Variants in SEZ6L2 observed in about 807,000 individuals in gnomAD.
The protein encoded by SEZ6L2 is seizure 6-like protein 2.
SEZ6L2 carries 44 observed loss-of-function variants against 97.0 expected under a neutral mutation model. That is an observed-to-expected ratio of 0.45 (90% CI 0.36 to 0.58). The LOEUF (loss-of-function observed/expected upper bound fraction) is 0.58. Among genes scored for constraint, SEZ6L2 ranks in the 20% least tolerant of loss-of-function variants. The pLI is 0.00. For synonymous variants in SEZ6L2, 543 were observed against 546.1 expected, an observed-to-expected ratio of 0.99 and a Z score of 0.08; for missense variants, 1,086 against 1,233.3, an observed-to-expected ratio of 0.88 and a Z score of 1.79.
At chr16:29,885,782 A>G (rs1402394734) in intron 7 of SEZ6L2, 33 bp from the exon 8 acceptor site, 1 of 1,581,404 alleles carries the variant, frequency 6.3e-7, no homozygotes, top group Non-Finnish European at 8.6e-7. Flanking sequence ...CAGGAGCTCA[A>G]TCTCCCTCAC....
chr16:29,873,517 C>T lies in SEZ6L2; in HGVS notation c.2296+21G>A, dbSNP rs920062898. On this transcript the variant is annotated intron_variant, in intron 13 of 17. Transcript: ENST00000617533. The surrounding 1 kb of genome is among the most constrained non-coding windows in gnomAD (Gnocchi z 4.3). ...TCCCAGGGCTACCCAGCCACCCTCC[C>T]AGGGTGTGCCCCAGACTCACAGGCG... 3.1e-6 allele frequency: 5 copies of T among 1,613,954 alleles called. No individual in the cohort carries two copies. In the Admixed American group the frequency reaches 6.7e-5, roughly 22 times the overall value.
chr16:29,893,994 C>A (rs1276828996), intron 5 of SEZ6L2, among the ~76,000 whole-genome samples: 2 of 152,174 alleles, frequency 1.3e-5, no homozygotes, highest in African/African-American at 4.8e-5. Context: ...CCTCAGCCTC[C>A]CAAGTAACTG....
Position 29,876,695 on chromosome 16 carries a change from C to A in SEZ6L2, c.2104+61G>T, listed in dbSNP as rs1450154456. 83 of 1,448,434 alleles carry A rather than the reference C, an allele frequency of 5.7e-5. No homozygotes were observed. Among genetic ancestry groups the A allele is most frequent in the Middle Eastern group, 4.6e-4 (2 of 4,372 alleles). The allele number at this position is 1,448,434 out of a possible 1,614,324, so 89.7% of individuals were successfully genotyped here. On this transcript the variant is annotated intron_variant, in intron 12 of 17. Transcript: ENST00000617533. The surrounding 1 kb of genome is among the most constrained non-coding windows in gnomAD (Gnocchi z 6.5). ...AGCACGGGGGTCGGGACAGGACAGG[C>A]CGACGACGGGGCCCACAGGGAAGGG...
chr16:29,886,732 C>T (rs1409655901), intron 7 of SEZ6L2, among the ~76,000 whole-genome samples: 1 of 151,502 alleles, frequency 6.6e-6, no homozygotes, highest in Non-Finnish European at 1.5e-5. Context: ...CTTATTGTCC[C>T]AGGTGCCATT....
chr16:29,877,177 C>T (rs1200051269), intron 11 of SEZ6L2, 94 bp downstream of exon 11: 4 of 1,360,376 alleles, frequency 2.9e-6, no homozygotes, highest in Non-Finnish European at 3.0e-6. Flanking sequence ...CCCAAGGCCC[C>T]GGGATAACAG....
intron 5 of SEZ6L2, among the ~76,000 whole-genome samples, chr16:29,894,126 C>T (rs1434890085): frequency 6.6e-6 from 1 of 152,210 alleles, no homozygotes; most frequent in Non-Finnish European, 1.5e-5. Context: ...CAGCCTTGGC[C>T]TCCCAAAGTG....
At chr16:29,877,896 T>G (rs778662874) in intron 10 of SEZ6L2, among the ~76,000 whole-genome samples, 3 of 152,158 alleles carry the variant, frequency 2.0e-5, no homozygotes, top group Non-Finnish European at 4.4e-5. Flanking sequence ...CATGACACTC[T>G]CATACCAATT....
At chr16:29,875,237 C>T (rs990717559) in intron 12 of SEZ6L2, among the ~76,000 whole-genome samples, 1 of 152,184 alleles carries the variant, frequency 6.6e-6, no homozygotes, top group Non-Finnish European at 1.5e-5. Flanking sequence ...TCCCTTGGAG[C>T]CCAGGGCTCA....
chr16:29,878,596 A>AT (rs1347651480), intron 9 of SEZ6L2, among the ~76,000 whole-genome samples, 171 bp from the exon 10 acceptor site: 3 of 150,844 alleles, frequency 2.0e-5, no homozygotes, highest in African/African-American at 4.9e-5. Context: ...TTATTTTTAA[A>AT]TTTTTTTTGA....
At chr16:29,884,113 T>C (rs2068082156) in intron 8 of SEZ6L2, among the ~76,000 whole-genome samples, 1 of 152,084 alleles carries the variant, frequency 6.6e-6, no homozygotes, top group African/African-American at 2.4e-5. Flanking sequence ...CTAGGTTAAG[T>C]TGGAGCCCAC....
chr16:29,882,779 G>A (rs1016975113), intron 8 of SEZ6L2, among the ~76,000 whole-genome samples: 4 of 151,880 alleles, frequency 2.6e-5, no homozygotes, highest in Non-Finnish European at 4.4e-5. Context: ...TTGTTTTGTA[G>A]AGACAAAGGT....
chr16:29,871,534 A>G lies in SEZ6L2; in HGVS notation c.*165T>C. 2.8e-6 allele frequency: 2 copies of G among 718,426 alleles called. No homozygotes were observed. The highest frequency in any genetic ancestry group is 2.5e-6 in the Non-Finnish European group (1 of 403,142). The allele number at this position is 718,426 out of a possible 1,614,324, so 44.5% of individuals were successfully genotyped here. On this transcript the variant is annotated 3_prime_UTR_variant, in exon 18 of 18. Transcript: ENST00000617533. ...TGGGCGGCAGGATGCTGGTTTATTT[A>G]CTGTAGGATCTCCAGGGCCATCAAA...
chr16:29,896,897 G>A lies in SEZ6L2; in HGVS notation c.436C>T (p.Pro146Ser). ...GTCGTCTCCTCCTCTCCTCCCTCAG[G>A]CCCAAGGGGAGGCCCTGGGGAGGCA... Reference protein sequence around the residue: ...SPASPGPPLGPEGGEEETTTT... With the variant: ...SPASPGPPLGSEGGEEETTTT... Residue 146 changes from proline to serine, a missense_variant, in exon 3 of 18, where the codon CCT (proline) becomes TCT (serine). Around this residue, in one of 2 missense-constraint regions of SEZ6L2, gnomAD observed 776 missense variants for 794.7 expected, o/e 0.98. Coordinates refer to ENST00000617533, the MANE Select transcript of SEZ6L2 (RefSeq NM_001243332.2). 1 of 1,612,590 alleles carries A rather than the reference G, an allele frequency of 6.2e-7. No individual in the cohort carries two copies. Among genetic ancestry groups the A allele is most frequent in the Non-Finnish European group, 8.5e-7 (1 of 1,178,742 alleles).
intron 15 of SEZ6L2, 84 bp downstream of exon 15, chr16:29,872,621 C>T (rs1214858062): frequency 8.1e-6 from 13 of 1,599,688 alleles, no homozygotes; most frequent in Non-Finnish European, 1.1e-5. Context: ...GGCTTCATCC[C>T]TCCAAGGCCT....
At chr16:29,877,496 C>A in intron 10 of SEZ6L2, 29 bp from the exon 11 acceptor site, 1 of 1,549,892 alleles carries the variant, frequency 6.5e-7, no homozygotes, top group Admixed American at 1.9e-5. Flanking sequence ...GGCAATGGGG[C>A]GGGGCTGCGA....
rs972546529 is a variant in SEZ6L2 at position 29,899,252 on chromosome 16, G to A, written c.-233C>T. ...GCTCAGTCTCCTCTGTCCTCTTCTC[G>A]CGGCTCTGTGGTGGAGGGGGCGCGG... On this transcript the variant is annotated 5_prime_UTR_variant, in exon 1 of 18. Transcript: ENST00000617533. The A allele has an allele frequency of 5.0e-5, 25 of 501,322 alleles. No individual in the cohort carries two copies. Among genetic ancestry groups the A allele is most frequent in the Non-Finnish European group, 7.3e-5 (21 of 285,828 alleles). 31.1% of individuals were successfully genotyped at this position (501,322 alleles called of 1,614,324 possible).
chr16:29,881,072 G>A (rs533942265), intron 8 of SEZ6L2, among the ~76,000 whole-genome samples: 3 of 151,862 alleles, frequency 2.0e-5, no homozygotes, highest in Non-Finnish European at 4.4e-5. Flanking sequence ...TTGCCCTGGC[G>A]TTGGTGGGTT....
rs2068108098 is a variant in SEZ6L2, at chr16:29,885,115, G to A, written c.1372+471C>T. 2.0e-5 allele frequency among the ~76,000 whole-genome samples: 3 copies of A among 152,320 alleles called. No homozygotes were observed. The East Asian group carries it at 5.8e-4, about 29-fold the overall frequency. On this transcript the variant is annotated intron_variant, in intron 8 of 17. Transcript: ENST00000617533. Reference sequence around the variant, plus strand: ...CCCAGCTACTCGGGAGGCTGAGGCAGGAGAATGGCGTGAACCCGGAAGGCG... The same window carrying A: ...CCCAGCTACTCGGGAGGCTGAGGCAAGAGAATGGCGTGAACCCGGAAGGCG...
At chr16:29,885,817 T>G in intron 7 of SEZ6L2, 68 bp from the exon 8 acceptor site, 1 of 1,495,938 alleles carries the variant, frequency 6.7e-7, no homozygotes, top group Non-Finnish European at 9.1e-7. Flanking sequence ...CTTGCCTGCT[T>G]TCCTAACTTA....
Sources: gnomAD v4.1 joint callset for allele counts (sites outside exome capture counted in the v4.1 genomes callset) on GRCh38, gnomAD v4.1.1 for gene constraint, gnomAD v4.1.1 regional missense constraint, Gnocchi (gnomAD v3.1) non-coding constraint, MANE v1.5 for transcripts, NCBI Gene and HGNC (gene_info 2026-07-23, HGNC 2026-07-21) for gene names.